The following LRP1B variants were observed in gnomAD, a reference collection of about 807,000 sequenced individuals.
LRP1B encodes LDL receptor related protein 1B.
In LRP1B, 217 loss-of-function variants were observed where a neutral mutation model predicts 556.6. The observed-to-expected ratio is 0.39, with a 90% CI of 0.35 to 0.44. LRP1B has a LOEUF of 0.44. Ranked by LOEUF, LRP1B falls within the 20% of genes least tolerant of loss-of-function variation. The pLI is 1.00. For synonymous variants in LRP1B, 2,047 were observed against 1,865.8 expected (o/e 1.10, Z -2.50); for missense variants, 5,053 against 5,620.8 (o/e 0.90, Z 3.23).
chr2:141,021,755 T>C (rs1292934817), intron 11 of LRP1B, among the ~76,000 whole-genome samples: 1 of 151,980 alleles, frequency 6.6e-6, no homozygotes, highest in Non-Finnish European at 1.5e-5. Context: ...GCTGTATGGA[T>C]GAAACTTTTG....
intron 7 of LRP1B, among the ~76,000 whole-genome samples, chr2:141,133,076 C>T (rs1227440354): frequency 6.6e-6 from 1 of 151,900 alleles, no homozygotes; most frequent in Non-Finnish European, 1.5e-5. Flanking sequence ...GCTATTGTTG[C>T]TTTATGTATC....
At chr2:141,033,282 G>C (rs556475940) in intron 11 of LRP1B, among the ~76,000 whole-genome samples, 61 of 152,110 alleles carry the variant, frequency 4.0e-4, no homozygotes, top group Non-Finnish European at 7.1e-4. Flanking sequence ...CAGAGAAGCA[G>C]TCAGATGCCA....
chr2:141,067,884 C>A (rs75904869), intron 7 of LRP1B, among the ~76,000 whole-genome samples: 2 of 151,862 alleles, frequency 1.3e-5, no homozygotes, highest in African/African-American at 4.8e-5. Context: ...AATACTGGAG[C>A]CTGCATATCA....
At chr2:141,570,239 A>T (rs1312453696) in intron 2 of LRP1B, among the ~76,000 whole-genome samples, 1 of 150,944 alleles carries the variant, frequency 6.6e-6, no homozygotes, top group African/African-American at 2.4e-5. Flanking sequence ...CTCTCATCAA[A>T]ATTTACTAGA....
At chr2:140,318,762 A>T (rs1684643427) in intron 82 of LRP1B, among the ~76,000 whole-genome samples, 1 of 152,126 alleles carries the variant, frequency 6.6e-6, no homozygotes, top group Non-Finnish European at 1.5e-5. Flanking sequence ...CCATTTACTA[A>T]GTAATGTTAG....
chr2:141,302,165 C>T (rs894143372), intron 3 of LRP1B, among the ~76,000 whole-genome samples: 1 of 151,900 alleles, frequency 6.6e-6, no homozygotes, highest in Non-Finnish European at 1.5e-5. Flanking sequence ...GGAGAGAAAA[C>T]AATGTTTACC....
chr2:140,911,197 G>T (rs1304555551), intron 21 of LRP1B, among the ~76,000 whole-genome samples: 1 of 151,728 alleles, frequency 6.6e-6, no homozygotes, highest in Non-Finnish European at 1.5e-5. Flanking sequence ...TGTTGAAAGG[G>T]AGTTAGCTAT....
In LRP1B at chr2:141,140,989, G is replaced by A. The variant is rs540586652; in HGVS notation, c.1013+47432C>T. Among the ~76,000 whole-genome samples, 66 of 152,224 alleles carry A rather than the reference G, an allele frequency of 4.3e-4. 2 individuals are homozygous for A. The South Asian group carries it at 0.014, about 32-fold the overall frequency. ...GGTCCTTCGAGGTAGAGGGTGGAGA[G>A]CAATCAATCTCTCTCTCACAGTAAC... On this transcript the variant is annotated intron_variant, in intron 7 of 90. Coordinates refer to ENST00000389484, the MANE Select transcript of LRP1B (RefSeq NM_018557.3).
intron 59 of LRP1B, among the ~76,000 whole-genome samples, chr2:140,478,065 T>C (rs939347689): frequency 2.0e-5 from 3 of 152,066 alleles, no homozygotes; most frequent in Non-Finnish European, 4.4e-5. Context: ...AAAAAACTTA[T>C]CTTCACAACC....
chr2:142,033,601 T>A (rs1703776639), intron 1 of LRP1B, among the ~76,000 whole-genome samples: 1 of 151,716 alleles, frequency 6.6e-6, no homozygotes, highest in Admixed American at 6.6e-5. Context: ...CCAACCTCAC[T>A]GATGCAGCAT....
At chr2:140,421,723 C>T (rs548314088) in intron 66 of LRP1B, among the ~76,000 whole-genome samples, 2 of 152,158 alleles carry the variant, frequency 1.3e-5, no homozygotes, top group Non-Finnish European at 2.9e-5. Flanking sequence ...TTCTTTTTAA[C>T]CTCTCATCAG....
At chr2:140,594,390 A>T (rs1682352001) in intron 43 of LRP1B, among the ~76,000 whole-genome samples, 1 of 152,230 alleles carries the variant, frequency 6.6e-6, no homozygotes, top group African/African-American at 2.4e-5. Context: ...AAGCTTTAAG[A>T]TGTAATGCAA....
chr2:140,417,003 G>C (rs189406716), intron 66 of LRP1B, among the ~76,000 whole-genome samples: 1 of 152,256 alleles, frequency 6.6e-6, no homozygotes, highest in East Asian at 1.9e-4. Flanking sequence ...AAAGAAAACT[G>C]CATTTAAAAG....
rs574487348 is a variant in LRP1B, at chr2:141,322,378, C to T, written c.344-67737G>A. 3.3e-5 allele frequency among the ~76,000 whole-genome samples: 5 copies of T among 151,990 alleles called. No homozygotes were observed. The East Asian group carries it at 7.7e-4, about 24-fold the overall frequency. On this transcript the variant is annotated intron_variant, in intron 3 of 90. Coordinates refer to ENST00000389484, the MANE Select transcript of LRP1B (RefSeq NM_018557.3). ...GCAATAGAAAATCTCTACCTGATACCGGGGTATCTTGGGGAACAGAAGAGA... is the reference window on the plus strand; with the variant it reads ...GCAATAGAAAATCTCTACCTGATACTGGGGTATCTTGGGGAACAGAAGAGA...
At chr2:140,549,006 T>C (rs2105042531) in intron 43 of LRP1B, among the ~76,000 whole-genome samples, 1 of 152,260 alleles carries the variant, frequency 6.6e-6, no homozygotes, top group African/African-American at 2.4e-5. Context: ...ATCTTTCTGA[T>C]TTCCCAAAAC....
At chr2:141,839,704 T>C (rs1697401185) in intron 1 of LRP1B, among the ~76,000 whole-genome samples, 1 of 152,168 alleles carries the variant, frequency 6.6e-6, no homozygotes, top group Admixed American at 6.5e-5. Flanking sequence ...TATCTGATAC[T>C]GCTGAAAGAG....
At chr2:140,561,726 T>G (rs1163856076) in intron 43 of LRP1B, among the ~76,000 whole-genome samples, 1 of 151,980 alleles carries the variant, frequency 6.6e-6, no homozygotes, top group Non-Finnish European at 1.5e-5. Context: ...ATAGAAAAAT[T>G]GGAAATACTT....
chr2:141,259,284 A>G (rs1443150338), intron 3 of LRP1B, among the ~76,000 whole-genome samples: 1 of 151,010 alleles, frequency 6.6e-6, no homozygotes, highest in Non-Finnish European at 1.5e-5. Context: ...TCTCTGCAAC[A>G]AGAGTGCTTT....
At chr2:142,008,514 G>C (rs114865856) in intron 1 of LRP1B, among the ~76,000 whole-genome samples, 1 of 151,158 alleles carries the variant, frequency 6.6e-6, no homozygotes, top group Non-Finnish European at 1.5e-5. Context: ...TTAAGACATG[G>C]TGACTTTTTT....
Sources: gnomAD v4.1 joint callset for allele counts (sites outside exome capture counted in the v4.1 genomes callset) on GRCh38, gnomAD v4.1.1 for gene constraint, MANE v1.5 for transcripts, NCBI Gene and HGNC (gene_info 2026-07-23, HGNC 2026-07-21) for gene names.